Variants in CFI observed in about 807,000 individuals in gnomAD.
CFI encodes the protein C3B/C4B inactivator.
Under a neutral mutation model 78.8 loss-of-function variants are expected in CFI, and 66 were observed. That is an observed-to-expected ratio of 0.84 (90% CI 0.69 to 1.03). CFI has a LOEUF of 1.03. CFI is among the 50% of genes least tolerant of loss of function. CFI has a pLI of 0.00. For missense variants in CFI, 706 were observed against 704.5 expected, an observed-to-expected ratio of 1.00 and a Z score of -0.02; for synonymous variants, 250 against 232.6, an observed-to-expected ratio of 1.07 and a Z score of -0.68.
At chr4:109,756,820 C>T (rs1726216428) in intron 7 of CFI, among the ~76,000 whole-genome samples, 1 of 150,540 alleles carries the variant, frequency 6.6e-6, no homozygotes, top group Non-Finnish European at 1.5e-5. Flanking sequence ...GATCAGGCCA[C>T]TGCACTCCAG....
intron 1 of CFI, among the ~76,000 whole-genome samples, chr4:109,793,111 T>C (rs1035249334): frequency 1.3e-5 from 2 of 152,208 alleles, no homozygotes; most frequent in Non-Finnish European, 2.9e-5. Context: ...CTCTCTTTAT[T>C]TCCTTCTGTG....
intron 1 of CFI, among the ~76,000 whole-genome samples, chr4:109,767,257 C>T (rs1413069163): frequency 1.3e-5 from 2 of 152,088 alleles, no homozygotes; most frequent in African/African-American, 4.8e-5. Context: ...AAAGCAATGG[C>T]AACAAAAGCC....
the CFI span, among the ~76,000 whole-genome samples, chr4:109,731,518 T>C: frequency 6.6e-6 from 1 of 152,224 alleles, no homozygotes; most frequent in African/African-American, 2.4e-5. Context: ...GCTTACTATG[T>C]GCCAGGCACT....
At chr4:109,798,881 AGGAG>A (rs60027899) in intron 1 of CFI, among the ~76,000 whole-genome samples, 16,828 of 137,064 alleles carry the variant, frequency 0.12, 1,701 homozygotes, top group African/African-American at 0.33. Context: ...TCAATGCAAG[AGGAG>A]GGAGAGAGAG....
intron 1 of CFI, among the ~76,000 whole-genome samples, chr4:109,792,144 T>A (rs1731460455): frequency 6.6e-6 from 1 of 152,202 alleles, no homozygotes; most frequent in Non-Finnish European, 1.5e-5. Flanking sequence ...TGTATTCTGC[T>A]ATTATTGAGT....
chr4:109,740,929 A>C lies in CFI; in HGVS notation c.1716T>G (p.His572Gln). The C allele has an allele frequency of 1.2e-6, 2 of 1,614,146 alleles. No homozygotes were observed. The highest frequency in any genetic ancestry group is 1.7e-6 in the Non-Finnish European group (2 of 1,179,990). ...VANYFDWISY[H>Q]VGRPFISQYN... is the part of the protein sequence containing the mutation. ...ACTGAGAAATAAAAGGCCTTCCTAC[A>C]TGGTAGCTAATCCAGTCAAAATAAT... The change falls in exon 13 of 13, where the codon CAT (histidine) becomes CAG (glutamine). Residue 572 changes from histidine (H) to glutamine (Q), a missense_variant. Coordinates refer to ENST00000394634, the MANE Select transcript of CFI (RefSeq NM_000204.5).
intron 1 of CFI, among the ~76,000 whole-genome samples, chr4:109,779,050 G>C (rs1729651555): frequency 6.6e-6 from 1 of 152,116 alleles, no homozygotes; most frequent in African/African-American, 2.4e-5. Flanking sequence ...AAAACTGGAA[G>C]CATTCCCTTT....
chr4:109,756,901 G>GAAAT (rs1387404644), intron 7 of CFI, among the ~76,000 whole-genome samples: 2 of 36,456 alleles, frequency 5.5e-5, no homozygotes, highest in African/African-American at 1.9e-4. Context: ...AAGAAAGAAA[G>GAAAT]AAAGAAAGAA....
chr4:109,739,514 C>T (rs901628913), downstream of CFI, among the ~76,000 whole-genome samples: 7 of 151,994 alleles, frequency 4.6e-5, no homozygotes, highest in Non-Finnish European at 5.9e-5. Context: ...GGAGACTGGG[C>T]ACCTACAATA....
chr4:109,787,600 T>C (rs986045850), intron 1 of CFI, among the ~76,000 whole-genome samples: 7 of 152,206 alleles, frequency 4.6e-5, no homozygotes, highest in African/African-American at 1.7e-4. Flanking sequence ...TCTTTTGTTT[T>C]TTTTTTAATT....
the CFI span, among the ~76,000 whole-genome samples, chr4:109,735,026 A>T: frequency 1.3e-5 from 2 of 152,082 alleles, no homozygotes; most frequent in Non-Finnish European, 2.9e-5. Flanking sequence ...ATCATAGCTC[A>T]CTGTACCCTC....
chr4:109,749,582 A>G lies in CFI; in HGVS notation c.961T>C (p.Leu321=), dbSNP rs757683052. The G allele has an allele frequency of 6.2e-7, 1 of 1,605,958 alleles. No homozygotes were observed. Among genetic ancestry groups the G allele is most frequent in the Non-Finnish European group, 8.5e-7 (1 of 1,172,618 alleles). Residue 321 remains leucine (L), a synonymous_variant, in exon 9 of 13, where the codon TTA becomes CTA. Transcript: ENST00000394634. ...MDAERRRIKS[L]LPKLSCGVKN... ...ACTCCACAAGATAGTTTAGGTAATA[A>G]TGATTTTATCCGTCTTCTTTCTTCA...
At chr4:109,749,167 C>T (rs1393464268) in intron 10 of CFI, 51 bp downstream of exon 10, 7 of 1,447,880 alleles carry the variant, frequency 4.8e-6, no homozygotes, top group Middle Eastern at 3.5e-4. Flanking sequence ...ATCTCTATTA[C>T]TCACTTTCAT....
rs754216955 is a variant in CFI at position 109,741,103 on chromosome 4, A to T, written c.1542T>A (p.Tyr514Ter). ...CTTTACAGGCATCGATGGAACCATCATATGTACCTAAGAAAGAAATGTGAA... is the reference window on the plus strand; with the variant it reads ...CTTTACAGGCATCGATGGAACCATCTTATGTACCTAAGAAAGAAATGTGAA... ...YEKEMECAGT[Y>*]DGSIDACKGD... Residue 514 changes from tyrosine to a stop codon, truncating the protein, a stop_gained, in exon 13 of 13, where the codon TAT becomes TAA. Transcript: ENST00000394634. LOFTEE classifies it high-confidence loss of function. The T allele has an allele frequency of 6.2e-7, 1 of 1,614,112 alleles. No homozygotes were observed. Among genetic ancestry groups the T allele is most frequent in the Non-Finnish European group, 8.5e-7 (1 of 1,179,966 alleles).
intron 1 of CFI, among the ~76,000 whole-genome samples, chr4:109,796,986 T>C (rs1367576313): frequency 1.3e-5 from 2 of 152,248 alleles, no homozygotes; most frequent in South Asian, 2.1e-4. Flanking sequence ...TATTGTTAAA[T>C]GTTTATACTA....
chr4:109,773,850 T>C (rs1396473398), intron 1 of CFI, among the ~76,000 whole-genome samples: 2 of 152,226 alleles, frequency 1.3e-5, no homozygotes, highest in African/African-American at 4.8e-5. Context: ...ACCCGAACAA[T>C]AGACCTTCTT....
chr4:109,788,981 A>G lies in CFI; in HGVS notation c.57+12934T>C, dbSNP rs190807909. Among the ~76,000 whole-genome samples, 168 of 152,058 alleles carry G rather than the reference A, an allele frequency of 1.1e-3. 1 individual carries two copies. The highest frequency in any genetic ancestry group is 6.6e-3 in the East Asian group (34 of 5,182). ...ACTAGGCAAGGAGATTTAAAAAGTT[A>G]TTTTAACTGTATTCCACATGTTCAA... On this transcript the variant is annotated intron_variant, in intron 1 of 12. Coordinates refer to ENST00000394634, the MANE Select transcript of CFI (RefSeq NM_000204.5).
chr4:109,753,487 TAA>T (rs1561293635), intron 7 of CFI, among the ~76,000 whole-genome samples: 7,177 of 85,274 alleles, frequency 0.084, 1,449 homozygotes, highest in Admixed American at 0.12. Context: ...ATATTTATAA[TAA>T]ATATTTATAA....
chr4:109,770,188 T>G (rs1728385957), intron 1 of CFI, among the ~76,000 whole-genome samples: 1 of 152,214 alleles, frequency 6.6e-6, no homozygotes, highest in Admixed American at 6.5e-5. Flanking sequence ...GTAATTAAAC[T>G]GAAACTTTAA....
Sources: gnomAD v4.1 joint callset for allele counts (sites outside exome capture counted in the v4.1 genomes callset) on GRCh38, gnomAD v4.1.1 for gene constraint, MANE v1.5 for transcripts, NCBI Gene and HGNC (gene_info 2026-07-23, HGNC 2026-07-21) for gene names.